Variants in TOX4 observed in about 807,000 individuals in gnomAD.
The protein encoded by TOX4 is TOX high mobility group box family member 4.
TOX4 carries 12 observed loss-of-function variants against 61.0 expected under a neutral mutation model. That is an observed-to-expected ratio of 0.20 (90% CI 0.13 to 0.32). TOX4 has a LOEUF of 0.32. Ranked by LOEUF, TOX4 falls within the 10% of genes least tolerant of loss-of-function variation. The probability of loss-of-function intolerance (pLI) is 1.00; values close to 1 mark genes in which losing one functional copy is unlikely to be tolerated. For missense variants in TOX4, 499 were observed against 753.3 expected (o/e 0.66, Z 3.95); for synonymous variants, 268 against 274.8 (o/e 0.98, Z 0.24).
chr14:21,480,820 G>A (rs569541756), intron 2 of TOX4, among the ~76,000 whole-genome samples: 2 of 152,316 alleles, frequency 1.3e-5, no homozygotes, highest in Admixed American at 6.5e-5. Context: ...GCCAGGCGTG[G>A]TGGCTCATGC....
chr14:21,488,033 C>G (rs2139623760), intron 3 of TOX4: 1 of 183,592 alleles, frequency 5.4e-6, no homozygotes, highest in Middle Eastern at 2.3e-3. Flanking sequence ...CAAAAATGGC[C>G]TGAATCACGT....
rs1411704990 is a variant in TOX4 at position 21,477,257 on chromosome 14, C to A, written c.-22C>A. On this transcript the variant is annotated 5_prime_UTR_variant, in exon 1 of 9. Transcript: ENST00000448790. ...CGGTGGGAGCGATGAGGGTCTGAGA[C>A]GGTGGGAGCGGTTGTGTGAAGATGG... 3.7e-6 allele frequency: 6 copies of A among 1,613,846 alleles called. No individual in the cohort carries two copies. In the African/African-American group the frequency reaches 5.3e-5, roughly 14 times the overall value.
chr14:21,495,612 C>T (rs929062808), intron 8 of TOX4: 1 of 446,926 alleles, frequency 2.2e-6, no homozygotes, highest in African/African-American at 2.0e-5. Flanking sequence ...TCAGTTACCA[C>T]ATACCTCTCT....
chr14:21,478,214 A>T (rs1891039474), intron 2 of TOX4, among the ~76,000 whole-genome samples: 1 of 152,276 alleles, frequency 6.6e-6, no homozygotes, highest in Non-Finnish European at 1.5e-5. Context: ...CTGGGATTAC[A>T]GGCCTGAGCC....
chr14:21,494,000 C>T (rs553324472), intron 7 of TOX4, among the ~76,000 whole-genome samples: 9 of 152,192 alleles, frequency 5.9e-5, no homozygotes, highest in African/African-American at 1.2e-4. Context: ...TCGCCCGCTT[C>T]GGCCTCCCAG....
At chr14:21,478,302 C>T (rs1303299575) in intron 2 of TOX4, among the ~76,000 whole-genome samples, 1 of 152,176 alleles carries the variant, frequency 6.6e-6, no homozygotes, top group Non-Finnish European at 1.5e-5. Flanking sequence ...GCTTGTTTTG[C>T]TAATGTCAGG....
rs913977754 is a variant in TOX4 at position 21,494,943 on chromosome 14, C to G, written c.1642-286C>G. On this transcript the variant is annotated intron_variant, in intron 7 of 8. Coordinates refer to ENST00000448790, the MANE Select transcript of TOX4 (RefSeq NM_014828.4). ...CAAAAAAAAACAAAAAACACTACCTCTCTATTCCCACTGCTTGACTAGCCA... is the reference window on the plus strand; with the variant it reads ...CAAAAAAAAACAAAAAACACTACCTGTCTATTCCCACTGCTTGACTAGCCA... Among the ~76,000 whole-genome samples, 4 of 151,420 alleles carry G rather than the reference C, an allele frequency of 2.6e-5. No individual in the cohort carries two copies. In the South Asian group the frequency reaches 8.4e-4, roughly 32 times the overall value.
chr14:21,487,034 C>T (rs1891201056), intron 2 of TOX4, among the ~76,000 whole-genome samples: 1 of 152,146 alleles, frequency 6.6e-6, no homozygotes, highest in South Asian at 2.1e-4. Context: ...ATTTCTGTGA[C>T]CTAACAGTTT....
Position 21,498,607 on chromosome 14 carries a change from A to AC in TOX4, c.*2001_*2002insC. Reference sequence around the variant, plus strand: ...GAGGGTTAGTAACTAATGCTTAGCCAGGCCTGCTTCACAGAGTTGCTACCA... The same window carrying AC: ...GAGGGTTAGTAACTAATGCTTAGCCACGGCCTGCTTCACAGAGTTGCTACCA... On this transcript the variant is annotated 3_prime_UTR_variant, in exon 9 of 9. Coordinates refer to ENST00000448790, the MANE Select transcript of TOX4 (RefSeq NM_014828.4). The AC allele has an allele frequency of 1.8e-6, 1 of 549,078 alleles. No homozygotes were observed. 34.0% of individuals were successfully genotyped at this position (549,078 alleles called of 1,614,324 possible).
rs1164587171 is a variant in TOX4 at position 21,489,361 on chromosome 14, T to C, written c.768T>C (p.Ile256=). The part of the protein sequence containing the change: ...PNATFGEVSK[I]VASMWDSLGE... Reference sequence around the variant, plus strand: ...CCACTTTTGGTGAGGTTTCAAAAATTGTGGCCTCCATGTGGGATAGTCTTG... The same window carrying C: ...CCACTTTTGGTGAGGTTTCAAAAATCGTGGCCTCCATGTGGGATAGTCTTG... The change falls in exon 5 of 9, where the codon ATT becomes ATC. Residue 256 remains isoleucine, a synonymous_variant. Coordinates refer to ENST00000448790, the MANE Select transcript of TOX4 (RefSeq NM_014828.4). 6 of 1,614,028 alleles carry C rather than the reference T, an allele frequency of 3.7e-6. No homozygotes were observed. The highest frequency in any genetic ancestry group is 5.1e-6 in the Non-Finnish European group (6 of 1,180,030).
chr14:21,488,846 G>A lies in TOX4; in HGVS notation c.575G>A (p.Arg192Gln), dbSNP rs752532750. ...CACGAGGATGGTGTTGAGGATTTCC[G>A]GAGGGTGAGGCATTCCCTGTCAAAA... is the stretch of plus-strand genomic sequence containing the variant. The part of the protein sequence containing the change: ...SLHEDGVEDF[R>Q]RQLPSQKTVV... The change falls in exon 4 of 9, where the codon CGG (arginine) becomes CAG (glutamine). Residue 192 changes from arginine (R) to glutamine (Q), a missense_variant. By Grantham distance (43) the Arg-to-Gln change is conservative (BLOSUM62 1). Around this residue, in one of 7 missense-constraint regions of TOX4, gnomAD observed 61 missense variants for 76.1 expected, o/e 0.80. Transcript: ENST00000448790. 85 of 1,613,376 alleles carry A rather than the reference G, an allele frequency of 5.3e-5. No individual in the cohort carries two copies. The highest frequency in any genetic ancestry group is 1.6e-4 in the Middle Eastern group (1 of 6,082).
At position 21,488,643 on chromosome 14, in the gene TOX4, T is replaced by A. The variant is rs142445466; in HGVS notation, c.372T>A (p.Ile124=). 3.6e-5 allele frequency: 58 copies of A among 1,614,002 alleles called. No individual in the cohort carries two copies. Among genetic ancestry groups the A allele is most frequent in the Non-Finnish European group, 4.7e-5 (55 of 1,180,022 alleles). Residue 124 remains isoleucine (I), a synonymous_variant, in exon 4 of 9, where the codon ATT becomes ATA. Coordinates refer to ENST00000448790, the MANE Select transcript of TOX4 (RefSeq NM_014828.4). ...TQYSANPPVT[I]DVPMTDMTSG... ...ATAGTGCCAACCCACCTGTTACAATTGATGTACCAATGACAGACATGACAT... is the reference window on the plus strand; with the variant it reads ...ATAGTGCCAACCCACCTGTTACAATAGATGTACCAATGACAGACATGACAT...
In TOX4 at chr14:21,488,640, A is replaced by G. The variant is rs1891231831; in HGVS notation, c.369A>G (p.Thr123=). 6.2e-7 allele frequency: 1 copy of G among 1,614,122 alleles called. No homozygotes were observed. The highest frequency in any genetic ancestry group is 8.5e-7 in the Non-Finnish European group (1 of 1,180,026). ...AGTATAGTGCCAACCCACCTGTTAC[A>G]ATTGATGTACCAATGACAGACATGA... ...GTQYSANPPV[T]IDVPMTDMTS... is the part of the protein sequence containing the mutation. Residue 123 remains threonine, a synonymous_variant, in exon 4 of 9, where the codon ACA becomes ACG. Transcript: ENST00000448790.
intron 8 of TOX4, among the ~76,000 whole-genome samples, 153 bp from the exon 9 acceptor site, chr14:21,496,393 G>C (rs936013465): frequency 6.6e-6 from 1 of 152,014 alleles, no homozygotes; most frequent in Non-Finnish European, 1.5e-5. Flanking sequence ...CGGGCATGGT[G>C]GTGGGCACCT....
At position 21,494,907 on chromosome 14, in the gene TOX4, A is replaced by G. The variant is rs560216475; in HGVS notation, c.1642-322A>G. On this transcript the variant is annotated intron_variant, in intron 7 of 8. Transcript: ENST00000448790. ...GCACTCCAGCCTGGGCAACAGAGCA[A>G]GACTCCGTCTCAAAAAAAAACAAAA... 2.0e-4 allele frequency among the ~76,000 whole-genome samples: 30 copies of G among 152,234 alleles called. 3 individuals are homozygous for G. The South Asian group carries it at 4.6e-3, about 23-fold the overall frequency.
intron 5 of TOX4, among the ~76,000 whole-genome samples, chr14:21,489,836 C>T (rs1891255544): frequency 1.3e-5 from 2 of 151,906 alleles, no homozygotes; most frequent in Non-Finnish European, 2.9e-5. Context: ...CCGCCTCGGC[C>T]TCCCAAAGTG....
chr14:21,483,441 T>C (rs568152283), intron 2 of TOX4, among the ~76,000 whole-genome samples: 123 of 151,084 alleles, frequency 8.1e-4, no homozygotes, highest in African/African-American at 2.8e-3. Context: ...ACCTTCTACC[T>C]TAAAAATGCT....
chr14:21,496,740 T>A lies in TOX4; in HGVS notation c.*134T>A. The A allele has an allele frequency of 2.7e-6, 2 of 745,404 alleles. No individual in the cohort carries two copies. The highest frequency in any genetic ancestry group is 2.2e-6 in the Non-Finnish European group (1 of 449,352). The allele number at this position is 745,404 out of a possible 1,614,324, so 46.2% of individuals were successfully genotyped here. On this transcript the variant is annotated 3_prime_UTR_variant, in exon 9 of 9. Transcript: ENST00000448790. ...ATGGCTGTTCATGTTTCACCCCTTT[T>A]CTTCCTTCAGCAGAGGCCAGGCTAT...
chr14:21,492,475 T>G (rs1217259371), intron 6 of TOX4, 33 bp from the exon 7 acceptor site: 1 of 1,611,244 alleles, frequency 6.2e-7, no homozygotes, highest in East Asian at 2.2e-5. Flanking sequence ...AAGTGATTGA[T>G]TAATTGATAG....
Sources: gnomAD v4.1 joint callset for allele counts (sites outside exome capture counted in the v4.1 genomes callset) on GRCh38, gnomAD v4.1.1 for gene constraint, gnomAD v4.1.1 regional missense constraint, MANE v1.5 for transcripts, NCBI Gene and HGNC (gene_info 2026-07-23, HGNC 2026-07-21) for gene names.